BMERB1: variants seen among roughly 807,000 people sequenced by gnomAD.
The protein encoded by BMERB1 is bMERB domain-containing protein 1.
BMERB1 carries 12 observed loss-of-function variants against 23.6 expected under a neutral mutation model. That is an observed-to-expected ratio of 0.51 (90% CI 0.33 to 0.82). BMERB1 has a LOEUF of 0.82. Ranked by LOEUF, BMERB1 falls within the 40% of genes least tolerant of loss-of-function variation. BMERB1 has a pLI of 0.03. For synonymous variants in BMERB1, 122 were observed against 96.6 expected, an observed-to-expected ratio of 1.26 and a Z score of -1.54; for missense variants, 247 against 255.4, an observed-to-expected ratio of 0.97 and a Z score of 0.22.
chr16:15,502,182 TG>T, intron 1 of BMERB1: 1 of 1,043,458 alleles, frequency 9.6e-7, no homozygotes, highest in East Asian at 2.6e-5. Flanking sequence ...GAATTACTTT[TG>T]TGTCCTTTGA....
At chr16:15,488,398 G>A (rs2051385885) in intron 1 of BMERB1, among the ~76,000 whole-genome samples, 1 of 152,160 alleles carries the variant, frequency 6.6e-6, no homozygotes, top group South Asian at 2.1e-4. Context: ...TTCATACCCT[G>A]CTTTAGGAGA....
chr16:15,552,015 C>A (rs1254203685), intron 2 of BMERB1, among the ~76,000 whole-genome samples: 1 of 152,108 alleles, frequency 6.6e-6, no homozygotes, highest in East Asian at 1.9e-4. Flanking sequence ...GCCAGCTTAG[C>A]CAAAGGCCTT....
chr16:15,480,114 A>G (rs2150934880), intron 1 of BMERB1, among the ~76,000 whole-genome samples: 1 of 150,234 alleles, frequency 6.7e-6, no homozygotes, highest in East Asian at 1.9e-4. Flanking sequence ...ATCTGATTTT[A>G]TTAATTTTTT....
At chr16:15,490,537 C>T (rs1050499404) in intron 1 of BMERB1, among the ~76,000 whole-genome samples, 8 of 152,196 alleles carry the variant, frequency 5.3e-5, no homozygotes, top group Non-Finnish European at 8.8e-5. Flanking sequence ...CCTGCCTCAA[C>T]CTCCCATAGT....
At chr16:15,579,654 CCT>C (rs34651842) in intron 3 of BMERB1, among the ~76,000 whole-genome samples, 11,096 of 152,022 alleles carry the variant, frequency 0.073, 1,235 homozygotes, top group African/African-American at 0.24. Flanking sequence ...CATCTTCAGC[CCT>C]CTCTCTTTTT....
In BMERB1 at chr16:15,479,544, G is replaced by A. The variant is rs139776335; in HGVS notation, c.107-35761G>A. Among the ~76,000 whole-genome samples the A allele has an allele frequency of 2.8e-4, 43 of 152,130 alleles. No individual in the cohort carries two copies. The South Asian group carries it at 4.4e-3, about 15-fold the overall frequency. On this transcript the variant is annotated intron_variant, in intron 1 of 5. Coordinates refer to ENST00000300006, the MANE Select transcript of BMERB1 (RefSeq NM_033201.3). ...CTGAAAAGGCTATTAAACTACTCCT[G>A]CCTTTGCTAACCACACATTTCTGTG...
intron 2 of BMERB1, among the ~76,000 whole-genome samples, chr16:15,530,018 C>T (rs957426312): frequency 6.6e-6 from 1 of 152,168 alleles, no homozygotes; most frequent in Non-Finnish European, 1.5e-5. Context: ...AAGCCTCTTC[C>T]TCATTCATTC....
intron 1 of BMERB1, among the ~76,000 whole-genome samples, chr16:15,459,110 GAAAC>G (rs952512217): frequency 1.6e-4 from 25 of 151,924 alleles, no homozygotes; most frequent in African/African-American, 2.7e-4. Context: ...TCTGTCTCAA[GAAAC>G]AAACAAACAA....
At chr16:15,533,327 A>G (rs2051988041) in intron 2 of BMERB1, among the ~76,000 whole-genome samples, 1 of 152,184 alleles carries the variant, frequency 6.6e-6, no homozygotes, top group Non-Finnish European at 1.5e-5. Flanking sequence ...GAGAAGTCTC[A>G]AGGGGCACCT....
At chr16:15,445,113 GA>G (rs1272304704) in intron 1 of BMERB1, among the ~76,000 whole-genome samples, 1 of 152,090 alleles carries the variant, frequency 6.6e-6, no homozygotes, top group Non-Finnish European at 1.5e-5. Context: ...GGCTGGTCTT[GA>G]ACTCCTGGCC....
intron 1 of BMERB1, among the ~76,000 whole-genome samples, chr16:15,492,903 T>G (rs952956870): frequency 6.7e-6 from 1 of 150,132 alleles, no homozygotes; most frequent in African/African-American, 2.5e-5. Flanking sequence ...TGAGTGACAA[T>G]ATGAGATTCC....
At chr16:15,537,308 C>A (rs1179537725) in intron 2 of BMERB1, among the ~76,000 whole-genome samples, 1 of 151,942 alleles carries the variant, frequency 6.6e-6, no homozygotes, top group Non-Finnish European at 1.5e-5. Flanking sequence ...TTAAAGAAAT[C>A]AAGTGAGCTG....
At chr16:15,509,950 G>C (rs1214606104) in intron 1 of BMERB1, among the ~76,000 whole-genome samples, 3 of 152,144 alleles carry the variant, frequency 2.0e-5, no homozygotes, top group African/African-American at 2.4e-5. Flanking sequence ...AAGACACACA[G>C]AGCCACCCGG....
At chr16:15,578,388 C>T (rs2030925535) in intron 3 of BMERB1, among the ~76,000 whole-genome samples, 1 of 152,098 alleles carries the variant, frequency 6.6e-6, no homozygotes, top group African/African-American at 2.4e-5. Flanking sequence ...CATAAGGACA[C>T]AAGTCATTGG....
At chr16:15,549,742 A>G (rs1049940284) in intron 2 of BMERB1, among the ~76,000 whole-genome samples, 2 of 151,954 alleles carry the variant, frequency 1.3e-5, no homozygotes, top group East Asian at 3.8e-4. Context: ...ACATGAAACA[A>G]TCAGGGGACT....
chr16:15,510,212 C>T (rs1468333449), intron 1 of BMERB1, among the ~76,000 whole-genome samples: 1 of 152,060 alleles, frequency 6.6e-6, no homozygotes, highest in African/African-American at 2.4e-5. Context: ...CCCCACTGGC[C>T]ATGAATTGTT....
chr16:15,551,010 G>C (rs564018075), intron 2 of BMERB1, among the ~76,000 whole-genome samples: 1 of 152,194 alleles, frequency 6.6e-6, no homozygotes, highest in Non-Finnish European at 1.5e-5. Context: ...GCAGGAACTC[G>C]CAGCAGGTGA....
intron 1 of BMERB1, among the ~76,000 whole-genome samples, chr16:15,514,228 A>C (rs886453978): frequency 2.6e-5 from 4 of 152,166 alleles, no homozygotes; most frequent in Admixed American, 2.6e-4. Flanking sequence ...TGATTGCACC[A>C]CTGCACCCCA....
intron 2 of BMERB1, among the ~76,000 whole-genome samples, chr16:15,522,796 G>C (rs776934140): frequency 4.6e-5 from 7 of 152,156 alleles, no homozygotes; most frequent in Non-Finnish European, 1.0e-4. Flanking sequence ...CAGTTGTCGG[G>C]ATCTGATCCC....
Sources: gnomAD v4.1 joint callset for allele counts (sites outside exome capture counted in the v4.1 genomes callset) on GRCh38, gnomAD v4.1.1 for gene constraint, MANE v1.5 for transcripts, NCBI Gene and HGNC (gene_info 2026-07-23, HGNC 2026-07-21) for gene names.